The following CLEC5A variants were observed in gnomAD, a reference collection of about 807,000 sequenced individuals.
The protein encoded by CLEC5A is C-type lectin domain containing 5A, also known as C-type lectin domain family 5 member A.
A neutral mutation model predicts 24.4 loss-of-function variants in CLEC5A; 15 were observed. The observed-to-expected ratio is 0.62, with a 90% CI of 0.41 to 0.95. The LOEUF (loss-of-function observed/expected upper bound fraction) is 0.95, where lower values mean the gene tolerates loss of function less well. Ranked by LOEUF, CLEC5A falls within the 40% of genes least tolerant of loss-of-function variation. The pLI, the probability that CLEC5A is intolerant of heterozygous loss-of-function variation, is 0.00. For missense variants in CLEC5A, 211 were observed against 224.0 expected (o/e 0.94, Z 0.37); for synonymous variants, 71 against 72.6 (o/e 0.98, Z 0.11).
chr7:141,932,355 C>G (rs1442917619), intron 5 of CLEC5A, among the ~76,000 whole-genome samples: 2 of 152,098 alleles, frequency 1.3e-5, no homozygotes, highest in Non-Finnish European at 2.9e-5. Context: ...AAGTGTAATC[C>G]AAGAAGAAAT....
At chr7:141,936,531 A>G (rs1802634281) in intron 4 of CLEC5A, among the ~76,000 whole-genome samples, 1 of 152,188 alleles carries the variant, frequency 6.6e-6, no homozygotes, top group African/African-American at 2.4e-5. Context: ...GGAGGGGAAT[A>G]ACCCATCCCA....
At chr7:141,943,854 G>A (rs782090587) in intron 4 of CLEC5A, 42 bp downstream of exon 4, 6 of 1,283,592 alleles carry the variant, frequency 4.7e-6, no homozygotes, top group Non-Finnish European at 5.7e-6. Flanking sequence ...CAGTGCATGA[G>A]AACCTAGGGG....
At chr7:141,931,440 T>G in intron 6 of CLEC5A, 2 of 489,616 alleles carry the variant, frequency 4.1e-6, no homozygotes, top group South Asian at 7.6e-5. Flanking sequence ...ACAAGATACA[T>G]CAAATGAATG....
chr7:141,946,372 A>G (rs1802958337), intron 1 of CLEC5A, 60 bp from the exon 2 acceptor site: 3 of 1,447,886 alleles, frequency 2.1e-6, no homozygotes, highest in Non-Finnish European at 2.8e-6. Flanking sequence ...TTTCACTAGG[A>G]CATATCCCAG....
intron 4 of CLEC5A, among the ~76,000 whole-genome samples, chr7:141,936,770 A>G (rs1230303643): frequency 1.3e-5 from 2 of 152,046 alleles, no homozygotes; most frequent in Non-Finnish European, 2.9e-5. Flanking sequence ...AAGCAGCACA[A>G]CTTGCAGCTC....
At chr7:141,941,129 AT>A (rs1190623455) in intron 4 of CLEC5A, among the ~76,000 whole-genome samples, 32 of 152,098 alleles carry the variant, frequency 2.1e-4, no homozygotes, top group Non-Finnish European at 2.4e-4. Context: ...ACATCAAAAA[AT>A]GAAACTACAC....
Position 141,933,575 on chromosome 7 carries a change from CATATATATATATATATAT to C in CLEC5A, c.346-1767_346-1750del, listed in dbSNP as rs3043785. On this transcript the variant is annotated intron_variant, in intron 5 of 6. Coordinates refer to ENST00000546910, the MANE Select transcript of CLEC5A (RefSeq NM_013252.3). ...TGACTCAGCGAGTTTAGGGAGCAGG[CATATATATATATATATAT>C]ATATATATATATATATATATATACT... Among the ~76,000 whole-genome samples the C allele has an allele frequency of 6.5e-4, 75 of 115,236 alleles. 1 individual carries two copies. The highest frequency in any genetic ancestry group is 1.7e-3 in the African/African-American group (41 of 24,054). The allele number at this position is 115,236 out of a possible 152,430, so 75.6% of individuals were successfully genotyped here.
At chr7:141,940,992 C>G (rs1481682015) in intron 4 of CLEC5A, among the ~76,000 whole-genome samples, 2 of 151,974 alleles carry the variant, frequency 1.3e-5, no homozygotes, top group African/African-American at 4.8e-5. Context: ...CTGAATTCTG[C>G]CAAGTATTTA....
chr7:141,935,905 A>G lies in CLEC5A; in HGVS notation c.254T>C (p.Leu85Ser), dbSNP rs782124500. ...WEFYQARCFFLSTSESSWNES... is the reference protein window; with the variant it reads ...WEFYQARCFFSSTSESSWNES... The stretch of plus-strand genomic sequence containing the variant: ...ATTCCAAGATGATTCAGAAGTGGAT[A>G]AGAAAAAACATCTTGCTTGATAAAA... Residue 85 changes from leucine (L) to serine (S), a missense_variant, in exon 5 of 7, where the codon TTA becomes TCA. Leu to Ser is a moderately radical substitution (Grantham distance 145). Transcript: ENST00000546910. The G allele has an allele frequency of 2.0e-5, 33 of 1,612,982 alleles. No individual in the cohort carries two copies. In the South Asian group the frequency reaches 3.3e-4, roughly 16 times the overall value.
chr7:141,941,256 T>C (rs887514565), intron 4 of CLEC5A, among the ~76,000 whole-genome samples: 1 of 152,166 alleles, frequency 6.6e-6, no homozygotes, highest in Admixed American at 6.5e-5. Flanking sequence ...ATCCCAGGAA[T>C]GCAAGGATGG....
At chr7:141,936,016 C>A in intron 4 of CLEC5A, 66 bp from the exon 5 acceptor site, 3 of 1,290,680 alleles carry the variant, frequency 2.3e-6, no homozygotes, top group South Asian at 2.4e-5. Context: ...GCAACTAAGT[C>A]ATGAAACAGT....
chr7:141,935,673 A>T, intron 5 of CLEC5A, 141 bp downstream of exon 5: 1 of 729,884 alleles, frequency 1.4e-6, no homozygotes, highest in East Asian at 2.5e-5. Flanking sequence ...CCAGTCCAGA[A>T]CAAATAGCTT....
intron 5 of CLEC5A, among the ~76,000 whole-genome samples, chr7:141,932,218 G>A (rs1802489958): frequency 6.6e-6 from 1 of 152,214 alleles, no homozygotes; most frequent in Non-Finnish European, 1.5e-5. Context: ...CTATCCATAG[G>A]ATTGTTTTTG....
In CLEC5A at chr7:141,930,206, C is replaced by T; in HGVS notation, c.465G>A (p.Gln155=). The T allele has an allele frequency of 6.2e-7, 1 of 1,613,096 alleles. No individual in the cohort carries two copies. Among genetic ancestry groups the T allele is most frequent in the Non-Finnish European group, 8.5e-7 (1 of 1,179,180 alleles). The stretch of plus-strand genomic sequence containing the variant: ...TGGTCGCACAGTTGAAATTCTGATT[C>T]TGATTGGTAACACTAAATGAGAAAA... ...NSVFNGNVTN[Q]NQNFNCATIG... is the part of the protein sequence containing the mutation. Residue 155 remains glutamine (Q), a synonymous_variant, in exon 7 of 7, where the codon CAG becomes CAA. Coordinates refer to ENST00000546910, the MANE Select transcript of CLEC5A (RefSeq NM_013252.3).
chr7:141,941,021 T>C (rs1802781027), intron 4 of CLEC5A, among the ~76,000 whole-genome samples: 1 of 152,072 alleles, frequency 6.6e-6, no homozygotes, highest in African/African-American at 2.4e-5. Flanking sequence ...CTAATACCAA[T>C]CCTACTCAAA....
chr7:141,937,868 T>C (rs1034005334), intron 4 of CLEC5A, among the ~76,000 whole-genome samples: 2 of 152,186 alleles, frequency 1.3e-5, no homozygotes, highest in Non-Finnish European at 2.9e-5. Flanking sequence ...GGAAAAAGAA[T>C]AAGAGTCTCT....
chr7:141,945,882 G>A (rs1212665955), intron 2 of CLEC5A: 6 of 333,108 alleles, frequency 1.8e-5, no homozygotes, highest in African/African-American at 1.1e-4. Flanking sequence ...TTGAACTGGA[G>A]CTGTATTTTA....
chr7:141,943,438 T>G (rs1178053843), intron 4 of CLEC5A, among the ~76,000 whole-genome samples: 1 of 151,366 alleles, frequency 6.6e-6, no homozygotes, highest in African/African-American at 2.4e-5. Flanking sequence ...GGGTAGTTGG[T>G]GGGGAGGTAT....
intron 4 of CLEC5A, among the ~76,000 whole-genome samples, chr7:141,942,302 A>G (rs1554441706): frequency 6.6e-6 from 1 of 152,144 alleles, no homozygotes; most frequent in African/African-American, 2.4e-5. Context: ...ATTGTTGACA[A>G]TGGTACCACA....
Sources: gnomAD v4.1 joint callset for allele counts (sites outside exome capture counted in the v4.1 genomes callset) on GRCh38, gnomAD v4.1.1 for gene constraint, MANE v1.5 for transcripts, NCBI Gene and HGNC (gene_info 2026-07-23, HGNC 2026-07-21) for gene names.